Variants in CLSTN2 observed in about 807,000 individuals in gnomAD.
The protein encoded by CLSTN2 is calsyntenin 2, also known as calsyntenin-2.
Under a neutral mutation model 101.2 loss-of-function variants are expected in CLSTN2, and 48 were observed. The ratio of observed to expected loss-of-function variants is 0.47; its 90% CI spans 0.38 to 0.60. The LOEUF is 0.60. CLSTN2 is among the 20% of genes least tolerant of loss of function. The pLI, the probability that CLSTN2 is intolerant of heterozygous loss-of-function variation, is 0.00. For synonymous variants in CLSTN2, 481 were observed against 463.6 expected (o/e 1.04, Z -0.48); for missense variants, 1,160 against 1,238.2 (o/e 0.94, Z 0.95).
chr3:140,290,941 T>A (rs1250433022), intron 2 of CLSTN2, among the ~76,000 whole-genome samples: 1 of 152,144 alleles, frequency 6.6e-6, no homozygotes, highest in Non-Finnish European at 1.5e-5. Flanking sequence ...CTCTCCCAGA[T>A]CATTTTCATC....
intron 2 of CLSTN2, among the ~76,000 whole-genome samples, chr3:140,248,956 C>T (rs923720585): frequency 4.9e-4 from 74 of 152,152 alleles, no homozygotes; most frequent in African/African-American, 1.7e-3. Flanking sequence ...TCTGGGGGAT[C>T]TCTTAGCACT....
intron 1 of CLSTN2, among the ~76,000 whole-genome samples, chr3:140,033,210 C>G (rs2007592549): frequency 6.6e-6 from 1 of 152,216 alleles, no homozygotes. Context: ...ACTGCACAGA[C>G]CTTCTGTGTA....
chr3:140,411,540 A>G (rs1006245308), intron 4 of CLSTN2, among the ~76,000 whole-genome samples: 10 of 152,266 alleles, frequency 6.6e-5, no homozygotes, highest in Non-Finnish European at 1.5e-4. Flanking sequence ...GAAACACTGG[A>G]TTTGAACTGT....
chr3:140,194,409 A>G (rs2010614734), intron 2 of CLSTN2, among the ~76,000 whole-genome samples: 1 of 152,094 alleles, frequency 6.6e-6, no homozygotes, highest in South Asian at 2.1e-4. Flanking sequence ...AATATATCAC[A>G]TTGGGGATTA....
At chr3:140,017,529 C>T (rs2007225389) in intron 1 of CLSTN2, among the ~76,000 whole-genome samples, 1 of 152,162 alleles carries the variant, frequency 6.6e-6, no homozygotes, top group South Asian at 2.1e-4. Context: ...TGCAAAGTTC[C>T]TTGGGGGCCT....
At chr3:139,946,145 C>G (rs967908258) in intron 1 of CLSTN2, among the ~76,000 whole-genome samples, 1 of 152,104 alleles carries the variant, frequency 6.6e-6, no homozygotes, top group African/African-American at 2.4e-5. Flanking sequence ...AAATCCTGCC[C>G]TTAGGATGTA....
Position 140,514,594 on chromosome 3 carries a change from T to C in CLSTN2, c.1345-17730T>C, listed in dbSNP as rs545257924. Among the ~76,000 whole-genome samples, 14 of 152,318 alleles carry C rather than the reference T, an allele frequency of 9.2e-5. No individual in the cohort carries two copies. The East Asian group carries it at 2.7e-3, about 29-fold the overall frequency. On this transcript the variant is annotated intron_variant, in intron 8 of 16. Transcript: ENST00000458420. The stretch of plus-strand genomic sequence containing the variant: ...CAAATTGTGCTGCCATTAACATGCG[T>C]GTCAAGTATCTTTTTCATATAATGA...
chr3:140,169,749 T>A (rs566740910), intron 1 of CLSTN2, among the ~76,000 whole-genome samples: 1 of 152,282 alleles, frequency 6.6e-6, no homozygotes, highest in South Asian at 2.1e-4. Flanking sequence ...TTTTGGATAC[T>A]CCATTAATAT....
intron 8 of CLSTN2, among the ~76,000 whole-genome samples, chr3:140,495,617 T>C (rs1392534856): frequency 6.6e-6 from 1 of 152,242 alleles, no homozygotes; most frequent in Non-Finnish European, 1.5e-5. Flanking sequence ...GAGTATTTAA[T>C]CTATCTTGAG....
rs10662926 is a variant in CLSTN2, at chr3:140,566,802, TTCTCTCTC to T, written c.*563_*570del. On this transcript the variant is annotated 3_prime_UTR_variant, in exon 17 of 17. Coordinates refer to ENST00000458420, the MANE Select transcript of CLSTN2 (RefSeq NM_022131.3). ...AAGTTTACAGGGAAAGGTACACACATTCTCTCTCTCTCTCTCTCTCTGTCTATCTAGTT... is the reference window on the plus strand; with the variant it reads ...AAGTTTACAGGGAAAGGTACACACATTCTCTCTCTCTCTGTCTATCTAGTT... 1 of 151,836 alleles carries T rather than the reference TTCTCTCTC, an allele frequency of 6.6e-6. No homozygotes were observed. Among genetic ancestry groups the T allele is most frequent in the African/African-American group, 2.4e-5 (1 of 41,086 alleles). 9.4% of individuals were successfully genotyped at this position (151,836 alleles called of 1,614,324 possible). A position where few individuals can be genotyped will look rare whatever the true frequency, so the allele number is the denominator to read the frequency against.
intron 2 of CLSTN2, among the ~76,000 whole-genome samples, chr3:140,304,277 A>C (rs188846643): frequency 6.6e-6 from 1 of 152,286 alleles, no homozygotes; most frequent in African/African-American, 2.4e-5. Flanking sequence ...CTGATGATGG[A>C]GCTCTGAATC....
chr3:140,135,113 CACACAT>C (rs1181541640), intron 1 of CLSTN2, among the ~76,000 whole-genome samples: 3 of 52,080 alleles, frequency 5.8e-5, no homozygotes, highest in Non-Finnish European at 1.0e-4. Flanking sequence ...CACACACACA[CACACAT>C]ATATATATAT....
intron 2 of CLSTN2, among the ~76,000 whole-genome samples, chr3:140,227,296 G>A (rs563590897): frequency 1.3e-5 from 2 of 152,336 alleles, no homozygotes; most frequent in East Asian, 3.9e-4. Context: ...CAGGCTCCAT[G>A]CAAGTCTGCA....
At chr3:140,132,267 A>AT (rs907509898) in intron 1 of CLSTN2, among the ~76,000 whole-genome samples, 3 of 152,106 alleles carry the variant, frequency 2.0e-5, no homozygotes, top group African/African-American at 7.2e-5. Context: ...TTAAATAATT[A>AT]TTTTTTTGTG....
chr3:140,460,030 A>G (rs1255618190), intron 7 of CLSTN2, among the ~76,000 whole-genome samples: 1 of 152,186 alleles, frequency 6.6e-6, no homozygotes, highest in Admixed American at 6.5e-5. Flanking sequence ...AGTGCTTTTC[A>G]AACTAGATTC....
intron 1 of CLSTN2, among the ~76,000 whole-genome samples, chr3:140,006,520 T>A (rs1188284042): frequency 3.3e-5 from 5 of 152,172 alleles, no homozygotes; most frequent in Non-Finnish European, 7.4e-5. Context: ...CCACGCTTAA[T>A]CTCTCTGGCT....
chr3:140,130,895 AC>A (rs1478581214), intron 1 of CLSTN2, among the ~76,000 whole-genome samples: 1 of 152,068 alleles, frequency 6.6e-6, no homozygotes, highest in African/African-American at 2.4e-5. Flanking sequence ...AGCACTGACA[AC>A]CCTTTACACC....
chr3:140,082,919 A>G (rs1025291015), intron 1 of CLSTN2, among the ~76,000 whole-genome samples: 1 of 152,180 alleles, frequency 6.6e-6, no homozygotes, highest in Admixed American at 6.5e-5. Flanking sequence ...GAGCACGTGG[A>G]AAATGTGTAT....
chr3:140,246,518 C>T (rs1291881523), intron 2 of CLSTN2, among the ~76,000 whole-genome samples: 1 of 152,114 alleles, frequency 6.6e-6, no homozygotes, highest in East Asian at 1.9e-4. Flanking sequence ...ATTTCATGTT[C>T]CTAGGCCTGT....
Sources: allele counts gnomAD v4.1 joint callset (sites outside exome capture counted in the v4.1 genomes callset), GRCh38; gene constraint gnomAD v4.1.1; transcripts MANE v1.5; gene names NCBI Gene and HGNC (gene_info 2026-07-23, HGNC 2026-07-21).